Variants in ASS1 observed in about 807,000 individuals in gnomAD.
ASS1 encodes the protein argininosuccinate synthase.
ASS1 carries 58 observed loss-of-function variants against 60.5 expected under a neutral mutation model. The observed-to-expected ratio is 0.96, with a 90% CI of 0.78 to 1.19. The LOEUF is 1.19. ASS1 is among the 50% of genes most tolerant of loss of function. The probability of loss-of-function intolerance (pLI) is 0.00; values close to 1 mark genes in which losing one functional copy is unlikely to be tolerated. For missense variants in ASS1, 454 were observed against 547.3 expected, an observed-to-expected ratio of 0.83 and a Z score of 1.70; for synonymous variants, 200 against 206.9, an observed-to-expected ratio of 0.97 and a Z score of 0.29.
chr9:130,447,129 G>A (rs1436034816), intron 1 of ASS1, among the ~76,000 whole-genome samples: 2 of 152,254 alleles, frequency 1.3e-5, no homozygotes, highest in African/African-American at 4.8e-5. Context: ...GAAATAGTGG[G>A]CAGGTTGGCC....
intron 10 of ASS1, 108 bp from the exon 11 acceptor site, chr9:130,480,277 T>C: frequency 5.0e-6 from 6 of 1,201,296 alleles, no homozygotes; most frequent in Non-Finnish European, 7.4e-6. Context: ...CCTGAAATGC[T>C]GCCTAATGTG....
chr9:130,466,683 C>CTTACAGGCCAGGGGA (rs1845750828), intron 5 of ASS1, 42 bp from the exon 6 acceptor site: 1 of 1,591,910 alleles, frequency 6.3e-7, no homozygotes, highest in Non-Finnish European at 8.6e-7. Flanking sequence ...GGGAAGCCCA[C>CTTACAGGCCAGGGGA]AGCTCGGCCC....
chr9:130,480,395 G>A lies in ASS1; in HGVS notation c.784G>A (p.Gly262Ser), dbSNP rs1254010338. The change falls in exon 11 of 15, where the codon GGC becomes AGC. Residue 262 changes from glycine (G) to serine (S), a missense_variant. Physicochemically the swap from Gly to Ser is moderately conservative, Grantham distance 56. Coordinates refer to ENST00000352480, the MANE Select transcript of ASS1 (RefSeq NM_054012.4). ...MYLNEVAGKH[G>S]VGRIDIVENR... ...CAGTTCTTCCCACAGGGGCAAGCAT[G>A]GCGTGGGCCGTATTGACATCGTGGA... 2 of 1,614,212 alleles carry A rather than the reference G, an allele frequency of 1.2e-6. No homozygotes were observed. The highest frequency in any genetic ancestry group is 2.2e-5 in the South Asian group (2 of 91,086).
chr9:130,483,373 T>C (rs1206033961), intron 11 of ASS1, among the ~76,000 whole-genome samples: 5 of 149,232 alleles, frequency 3.4e-5, no homozygotes, highest in African/African-American at 1.2e-4. Flanking sequence ...GGGTAGGGAG[T>C]TGGGCAGCGC....
chr9:130,495,155 A>G (rs1444478906), intron 13 of ASS1, 132 bp downstream of exon 13: 2 of 1,273,086 alleles, frequency 1.6e-6, no homozygotes, highest in African/African-American at 1.5e-5. Context: ...CACAGAGGAT[A>G]TAGACACCAC....
At chr9:130,485,211 G>A (rs1192782572) in intron 11 of ASS1, among the ~76,000 whole-genome samples, 1 of 152,216 alleles carries the variant, frequency 6.6e-6, no homozygotes, top group Non-Finnish European at 1.5e-5. Context: ...AGGCGATGCT[G>A]TGGCCTCGAA....
Position 130,497,020 on chromosome 9 carries a change from T to A in ASS1, c.1127+1997T>A, listed in dbSNP as rs150551502. Among the ~76,000 whole-genome samples the A allele has an allele frequency of 4.3e-3, 655 of 152,378 alleles. 2 individuals carry two copies. Among genetic ancestry groups the A allele is most frequent in the South Asian group, 0.014 (66 of 4,832 alleles). On this transcript the variant is annotated intron_variant, in intron 13 of 14. Coordinates refer to ENST00000352480, the MANE Select transcript of ASS1 (RefSeq NM_054012.4). ...CATGTTGAGTTTCTCCCCGCTTCAA[T>A]CTTTCTAAACACTTTATAAGCCATA...
chr9:130,484,886 T>C (rs2118854694), intron 11 of ASS1, among the ~76,000 whole-genome samples: 1 of 151,870 alleles, frequency 6.6e-6, no homozygotes, highest in East Asian at 1.9e-4. Context: ...TCCGTCACAA[T>C]TAACACTTTC....
intron 8 of ASS1, among the ~76,000 whole-genome samples, chr9:130,474,073 C>A (rs933671722): frequency 1.5e-5 from 2 of 130,060 alleles, no homozygotes; most frequent in African/African-American, 5.9e-5. Flanking sequence ...CCCCCCCCCC[C>A]CCACAGATGA....
chr9:130,484,403 C>T (rs536410207), intron 11 of ASS1, among the ~76,000 whole-genome samples: 5 of 152,162 alleles, frequency 3.3e-5, no homozygotes, highest in African/African-American at 1.2e-4. Context: ...CACTCTCCCC[C>T]CAGCCACCCC....
chr9:130,460,502 G>A (rs1845563032), intron 4 of ASS1, among the ~76,000 whole-genome samples: 1 of 152,174 alleles, frequency 6.6e-6, no homozygotes, highest in African/African-American at 2.4e-5. Context: ...CTGTGCCAGG[G>A]AACTGCGGGA....
At chr9:130,464,227 G>T (rs1254445595) in intron 5 of ASS1, 60 bp downstream of exon 5, 1 of 1,567,136 alleles carries the variant, frequency 6.4e-7, no homozygotes, top group South Asian at 1.1e-5. Flanking sequence ...CTGATGGGGA[G>T]GAGGGCACAG....
intron 12 of ASS1, among the ~76,000 whole-genome samples, chr9:130,490,116 C>T (rs1025999220): frequency 1.3e-5 from 2 of 152,180 alleles, no homozygotes; most frequent in Admixed American, 6.5e-5. Context: ...GCACCTGAGG[C>T]GGGGGTGTCC....
Position 130,499,504 on chromosome 9 carries a change from GCAT to G in ASS1, c.1128_1130del (p.Ser376_Met377delinsArg). ...CTGACAAGCTTCTACTCTCCTTGCA[GCAT>G]GAACGTGCAGGGTGATTATGAGCCA... On this transcript the variant is annotated inframe_deletion and splice_region_variant, in exon 14 of 15. Coordinates refer to ENST00000352480, the MANE Select transcript of ASS1 (RefSeq NM_054012.4). The G allele has an allele frequency of 1.2e-6, 2 of 1,613,514 alleles. No individual in the cohort carries two copies. The highest frequency in any genetic ancestry group is 4.5e-5 in the East Asian group (2 of 44,882).
chr9:130,489,277 G>A lies in ASS1; in HGVS notation c.839-56G>A. The stretch of plus-strand genomic sequence containing the variant: ...TTTTTGTCATTTGCTGACAGTTTGG[G>A]TTTCATGCGTTTCTCTCTTTTTTCT... On this transcript the variant is annotated intron_variant, in intron 11 of 14. Transcript: ENST00000352480. The surrounding 1 kb of genome is among the most constrained non-coding windows in gnomAD (Gnocchi z 4.1). 6.2e-7 allele frequency: 1 copy of A among 1,606,174 alleles called. No homozygotes were observed. Among genetic ancestry groups the A allele is most frequent in the Non-Finnish European group, 8.5e-7 (1 of 1,175,624 alleles).
intron 11 of ASS1, among the ~76,000 whole-genome samples, chr9:130,487,037 AC>A (rs1419935502): frequency 1.3e-5 from 2 of 151,880 alleles, no homozygotes; most frequent in East Asian, 3.9e-4. Flanking sequence ...TAGGCAAGCC[AC>A]CCCCCTCCCC....
intron 13 of ASS1, among the ~76,000 whole-genome samples, chr9:130,497,502 G>GA (rs1487299458): frequency 6.7e-6 from 1 of 149,292 alleles, no homozygotes; most frequent in East Asian, 2.0e-4. Context: ...AAAAAAAAAA[G>GA]AAAAAAATCA....
chr9:130,499,592 C>T (rs545446299), intron 14 of ASS1, 22 bp downstream of exon 14: 22 of 1,608,382 alleles, frequency 1.4e-5, no homozygotes, highest in Middle Eastern at 3.3e-4. Flanking sequence ...AGGGCCCTGA[C>T]GGGCCTTCAG....
chr9:130,454,096 C>G (rs1845383282), intron 2 of ASS1, among the ~76,000 whole-genome samples: 1 of 152,372 alleles, frequency 6.6e-6, no homozygotes, highest in African/African-American at 2.4e-5. Context: ...CCAGCCATCA[C>G]CACGCTACAA....
Sources: gnomAD v4.1 joint callset for allele counts (sites outside exome capture counted in the v4.1 genomes callset) on GRCh38, gnomAD v4.1.1 for gene constraint, Gnocchi (gnomAD v3.1) non-coding constraint, MANE v1.5 for transcripts, NCBI Gene and HGNC (gene_info 2026-07-23, HGNC 2026-07-21) for gene names.